Variants in TRIM22 observed in about 807,000 individuals in gnomAD.
TRIM22 encodes tripartite motif containing 22.
Under a neutral mutation model 53.6 loss-of-function variants are expected in TRIM22, and 45 were observed. The ratio of observed to expected loss-of-function variants is 0.84; its 90% CI spans 0.66 to 1.08. The LOEUF (loss-of-function observed/expected upper bound fraction) is 1.08. Among genes scored for constraint, TRIM22 ranks in the 50% least tolerant of loss-of-function variants. The pLI is 0.00. For missense variants in TRIM22, 616 were observed against 590.9 expected (o/e 1.04, Z -0.44); for synonymous variants, 225 against 216.6 (o/e 1.04, Z -0.34).
chr11:5,698,515 G>A lies in TRIM22; in HGVS notation c.720G>A (p.Arg240=), dbSNP rs781328873. 8 of 1,613,858 alleles carry A rather than the reference G, an allele frequency of 5.0e-6. No homozygotes were observed. In the South Asian group the frequency reaches 8.8e-5, roughly 18 times the overall value. ...CGCTCATCTCAGATCTCCAGCGGAGGTTGAGGGGATCGTCAGTAGAGATGC... is the reference window on the plus strand; with the variant it reads ...CGCTCATCTCAGATCTCCAGCGGAGATTGAGGGGATCGTCAGTAGAGATGC... The part of the protein sequence containing the change: ...ASTLISDLQR[R]LRGSSVEMLQ... The change falls in exon 4 of 8, where the codon AGG becomes AGA. Residue 240 remains arginine, a synonymous_variant. Coordinates refer to ENST00000379965, the MANE Select transcript of TRIM22 (RefSeq NM_006074.5).
intron 6 of TRIM22, 85 bp downstream of exon 6, chr11:5,708,358 G>C: frequency 7.9e-7 from 1 of 1,272,714 alleles, no homozygotes; most frequent in East Asian, 2.4e-5. Context: ...TTTAGGTTAG[G>C]ATATAGGAGA....
At chr11:5,700,806 T>C (rs968896527) in intron 4 of TRIM22, among the ~76,000 whole-genome samples, 2 of 152,052 alleles carry the variant, frequency 1.3e-5, no homozygotes, top group African/African-American at 4.8e-5. Flanking sequence ...GTATTTTTAA[T>C]AGAGACAGGG....
At chr11:5,692,202 A>G (rs1053457997) in intron 1 of TRIM22, among the ~76,000 whole-genome samples, 10 of 152,228 alleles carry the variant, frequency 6.6e-5, no homozygotes, top group Admixed American at 3.3e-4. Flanking sequence ...CCAATAAAAC[A>G]AAAGCAACAA....
At chr11:5,708,456 C>T (rs1287961042) in intron 6 of TRIM22, 121 bp from the exon 7 acceptor site, 14 of 1,056,578 alleles carry the variant, frequency 1.3e-5, no homozygotes, top group African/African-American at 6.4e-5. Flanking sequence ...TTCATCCTCT[C>T]ATTCACCAGT....
At chr11:5,692,916 G>A (rs1302602420) in intron 1 of TRIM22, among the ~76,000 whole-genome samples, 2 of 123,762 alleles carry the variant, frequency 1.6e-5, no homozygotes, top group African/African-American at 6.2e-5. Context: ...TTGCTCTGTT[G>A]CCAGGCTGGA....
intron 2 of TRIM22, chr11:5,696,958 T>G: frequency 2.0e-6 from 1 of 501,904 alleles, no homozygotes; most frequent in Non-Finnish European, 3.5e-6. Flanking sequence ...TCTGGTTAGA[T>G]GTGGGAAGAG....
At chr11:5,708,070 C>A in intron 5 of TRIM22, 103 bp from the exon 6 acceptor site, 1 of 899,508 alleles carries the variant, frequency 1.1e-6, no homozygotes, top group Non-Finnish European at 1.8e-6. Flanking sequence ...GGAAGAGGGT[C>A]CAAGTGCGTC....
intron 1 of TRIM22, among the ~76,000 whole-genome samples, chr11:5,691,598 T>G (rs1853172995): frequency 1.3e-5 from 2 of 152,222 alleles, no homozygotes; most frequent in African/African-American, 4.8e-5. Flanking sequence ...CTCCCTCAAC[T>G]TCTGTAGCAC....
At position 5,708,119 on chromosome 11, in the gene TRIM22, G is replaced by A. The variant is rs535404625; in HGVS notation, c.774-54G>A. The A allele has an allele frequency of 2.6e-5, 36 of 1,393,424 alleles. 1 individual carries two copies. The South Asian group carries it at 3.7e-4, about 14-fold the overall frequency. 86.3% of individuals were successfully genotyped at this position (1,393,424 alleles called of 1,614,324 possible). On this transcript the variant is annotated intron_variant, in intron 5 of 7. Coordinates refer to ENST00000379965, the MANE Select transcript of TRIM22 (RefSeq NM_006074.5). The stretch of plus-strand genomic sequence containing the variant: ...AAAGGTGAAAGAGACAGTGATCTTG[G>A]ATGGAGAGAAATAGGGCAAAGGTGT...
chr11:5,710,557 G>A lies in TRIM22; in HGVS notation c.*909G>A, dbSNP rs1853544134. On this transcript the variant is annotated 3_prime_UTR_variant, in exon 8 of 8. Coordinates refer to ENST00000379965, the MANE Select transcript of TRIM22 (RefSeq NM_006074.5). ...GCTAATAGTGGATTTTTAATGCTCAGAGTTTCTGAGGTCAAATTTTATCTT... is the reference window on the plus strand; with the variant it reads ...GCTAATAGTGGATTTTTAATGCTCAAAGTTTCTGAGGTCAAATTTTATCTT... 1 of 152,132 alleles carries A rather than the reference G, an allele frequency of 6.6e-6. No homozygotes were observed. The highest frequency in any genetic ancestry group is 2.4e-5 in the African/African-American group (1 of 41,412). 9.4% of individuals were successfully genotyped at this position (152,132 alleles called of 1,614,324 possible). A position where few individuals can be genotyped will look rare whatever the true frequency, so the allele number is the denominator to read the frequency against.
Position 5,698,548 on chromosome 11 carries a change from A to G in TRIM22, c.750+3A>G. ...GATCGTCAGTAGAGATGCTGCAGGT[A>G]AGACTTGGGATGGAGCACCTACGTA... On this transcript the variant is annotated splice_donor_region_variant and intron_variant, in intron 4 of 7. Coordinates refer to ENST00000379965, the MANE Select transcript of TRIM22 (RefSeq NM_006074.5). 4 of 1,608,904 alleles carry G rather than the reference A, an allele frequency of 2.5e-6. No individual in the cohort carries two copies. The highest frequency in any genetic ancestry group is 3.4e-6 in the Non-Finnish European group (4 of 1,176,388).
At chr11:5,693,019 G>A (rs1296958056) in intron 1 of TRIM22, among the ~76,000 whole-genome samples, 1 of 151,440 alleles carries the variant, frequency 6.6e-6, no homozygotes, top group Non-Finnish European at 1.5e-5. Context: ...GGGACTACAA[G>A]CAACTGCTGT....
chr11:5,697,423 C>A, intron 3 of TRIM22, 80 bp downstream of exon 3: 1 of 975,494 alleles, frequency 1.0e-6, no homozygotes, highest in Non-Finnish European at 1.5e-6. Flanking sequence ...GAGACCCCTT[C>A]CTCTTTGCTG....
At position 5,698,470 on chromosome 11, in the gene TRIM22, G is replaced by A. The variant is rs1193950118; in HGVS notation, c.675G>A (p.Gln225=). The change falls in exon 4 of 8, where the codon CAG becomes CAA. Residue 225 remains glutamine (Q), a synonymous_variant. Transcript: ENST00000379965. Reference sequence around the variant, plus strand: ...CAGCAGCTACAGACCAGCTGGTCCAGCAGAGGCAGGATGCCAGCACGCTCA... The same window carrying A: ...CAGCAGCTACAGACCAGCTGGTCCAACAGAGGCAGGATGCCAGCACGCTCA... ...NLAAATDQLV[Q]QRQDASTLIS... The A allele has an allele frequency of 1.2e-6, 2 of 1,614,100 alleles. No individual in the cohort carries two copies. Among genetic ancestry groups the A allele is most frequent in the East Asian group, 2.2e-5 (1 of 44,876 alleles).
chr11:5,692,876 C>CTTTTTTTTTTTTTTTTTTTTTT (rs376485434), intron 1 of TRIM22, among the ~76,000 whole-genome samples: 4 of 132,918 alleles, frequency 3.0e-5, no homozygotes, highest in African/African-American at 2.8e-5. Context: ...TTAATTTAAT[C>CTTTTTTTTTTTTTTTTTTTTTT]TTTTTTTTTT....
chr11:5,703,363 C>T (rs555338719), intron 4 of TRIM22, among the ~76,000 whole-genome samples: 2 of 151,200 alleles, frequency 1.3e-5, no homozygotes, highest in Non-Finnish European at 2.9e-5. Flanking sequence ...CATGTTGTTG[C>T]AAAGGACATA....
rs763087288 is a variant in TRIM22, at chr11:5,697,266, C to G, written c.442C>G (p.Leu148Val). The stretch of plus-strand genomic sequence containing the variant: ...CTTACAGGAAAAGCTGCAGGTAGCC[C>G]TGCAGAGGCTGATAAAGGAGGATCA... ...KECQEKLQVA[L>V]QRLIKEDQEA... Residue 148 changes from leucine (L) to valine (V), a missense_variant, in exon 3 of 8, where the codon CTG (leucine) becomes GTG (valine). Physicochemically the swap from Leu to Val is conservative, Grantham distance 32. Transcript: ENST00000379965. The G allele has an allele frequency of 8.1e-6, 13 of 1,612,632 alleles. No individual in the cohort carries two copies. Among genetic ancestry groups the G allele is most frequent in the Middle Eastern group, 1.6e-4 (1 of 6,076 alleles).
At chr11:5,702,306 A>C (rs1005319932) in intron 4 of TRIM22, among the ~76,000 whole-genome samples, 6 of 145,984 alleles carry the variant, frequency 4.1e-5, no homozygotes, top group Admixed American at 3.5e-4. Flanking sequence ...AATATAACTA[A>C]TATGCCTAAT....
In TRIM22 at chr11:5,691,741, C is replaced by A. The variant is rs143221138; in HGVS notation, c.-67+1842C>A. 1.8e-3 allele frequency among the ~76,000 whole-genome samples: 268 copies of A among 152,326 alleles called. 1 individual carries two copies. The highest frequency in any genetic ancestry group is 5.8e-3 in the African/African-American group (243 of 41,576). On this transcript the variant is annotated intron_variant, in intron 1 of 7. Transcript: ENST00000379965. ...AGCTAAGGCAAGGAGTTGGTAATTTCTCCTGAGTCTTATCTCGATCTTATC... is the reference window on the plus strand; with the variant it reads ...AGCTAAGGCAAGGAGTTGGTAATTTATCCTGAGTCTTATCTCGATCTTATC...
Sources: allele counts gnomAD v4.1 joint callset (sites outside exome capture counted in the v4.1 genomes callset), GRCh38; gene constraint gnomAD v4.1.1; transcripts MANE v1.5; gene names NCBI Gene and HGNC (gene_info 2026-07-23, HGNC 2026-07-21).